Variants in KCNH7 observed in about 807,000 individuals in gnomAD.
KCNH7 encodes potassium voltage-gated channel subfamily H member 7, also known as voltage-gated inwardly rectifying potassium channel KCNH7.
Under a neutral mutation model 120.8 loss-of-function variants are expected in KCNH7, and 49 were observed. That is an observed-to-expected ratio of 0.41 (90% confidence interval 0.32 to 0.51). The LOEUF (loss-of-function observed/expected upper bound fraction) is 0.51, where lower values mean the gene tolerates loss of function less well. Among genes scored for constraint, KCNH7 ranks in the 20% least tolerant of loss-of-function variants. The pLI, the probability that KCNH7 is intolerant of heterozygous loss-of-function variation, is 0.38. For synonymous variants in KCNH7, 547 were observed against 516.1 expected (o/e 1.06, Z -0.81); for missense variants, 1,097 against 1,446.6 (o/e 0.76, Z 3.92).
At chr2:162,402,239 TATATC>T (rs1158308931) in intron 9 of KCNH7, among the ~76,000 whole-genome samples, 3 of 150,940 alleles carry the variant, frequency 2.0e-5, no homozygotes, top group Non-Finnish European at 4.4e-5. Context: ...GTTGGAATCT[TATATC>T]AACTCAGCTT....
intron 2 of KCNH7, among the ~76,000 whole-genome samples, chr2:162,761,877 T>G (rs305680): frequency 0.8 from 121,292 of 151,974 alleles, 52,605 homozygotes; most frequent in Non-Finnish European, 0.96. Context: ...TTCCTAGAGT[T>G]TGACTGTTAA....
At chr2:162,601,837 G>A (rs1314634503) in intron 2 of KCNH7, among the ~76,000 whole-genome samples, 1 of 151,912 alleles carries the variant, frequency 6.6e-6, no homozygotes, top group African/African-American at 2.4e-5. Flanking sequence ...AAGGATGAAC[G>A]GTTTGTAGCA....
rs186366877 is a variant in KCNH7, at chr2:162,560,277, G to A, written c.308-23197C>T. Among the ~76,000 whole-genome samples the A allele has an allele frequency of 2.0e-4, 31 of 152,234 alleles. 1 individual carries two copies. The East Asian group carries it at 5.4e-3, about 27-fold the overall frequency. On this transcript the variant is annotated intron_variant, in intron 2 of 15. Transcript: ENST00000332142. The stretch of plus-strand genomic sequence containing the variant: ...TTCTGCCGTTTCAAATTTTTTTCCT[G>A]AATGTAAGGCTCTGGACTTAGAGAT...
chr2:162,791,514 G>A (rs1012213667), intron 2 of KCNH7, among the ~76,000 whole-genome samples: 15 of 151,960 alleles, frequency 9.9e-5, no homozygotes, highest in Non-Finnish European at 2.9e-5. Flanking sequence ...CTACTTATCT[G>A]TATTCCTAGT....
At chr2:162,421,207 T>C (rs1014777101) in intron 9 of KCNH7, among the ~76,000 whole-genome samples, 1 of 152,140 alleles carries the variant, frequency 6.6e-6, no homozygotes. Flanking sequence ...TCCAGGACGA[T>C]GTAATACAGG....
At position 162,514,109 on chromosome 2, in the gene KCNH7, C is replaced by T. The variant is rs148305097; in HGVS notation, c.893-1435G>A. On this transcript the variant is annotated intron_variant, in intron 4 of 15. Coordinates refer to ENST00000332142, the MANE Select transcript of KCNH7 (RefSeq NM_033272.4). ...TTGATATCTATGCTAACACTGTGCC[C>T]ATTTAAAATCTTGGGATATATCATA... is the stretch of plus-strand genomic sequence containing the variant. Among the ~76,000 whole-genome samples, 447 of 151,858 alleles carry T rather than the reference C, an allele frequency of 2.9e-3. 2 individuals carry two copies. Among genetic ancestry groups the T allele is most frequent in the African/African-American group, 0.01 (433 of 41,504 alleles).
intron 7 of KCNH7, among the ~76,000 whole-genome samples, chr2:162,436,339 A>AT (rs1296810550): frequency 3.9e-5 from 6 of 152,208 alleles, no homozygotes; most frequent in Admixed American, 1.3e-4. Flanking sequence ...ATTTAAATGC[A>AT]TTTTTTATTC....
intron 6 of KCNH7, among the ~76,000 whole-genome samples, chr2:162,455,297 G>A (rs945991374): frequency 6.6e-6 from 1 of 152,132 alleles, no homozygotes; most frequent in African/African-American, 2.4e-5. Flanking sequence ...ACTTGATCAT[G>A]GTGGATAAAC....
chr2:162,590,325 T>C (rs1694170277), intron 2 of KCNH7, among the ~76,000 whole-genome samples: 1 of 152,056 alleles, frequency 6.6e-6, no homozygotes. Context: ...CTCCTGAAGC[T>C]TGAGCAAGTG....
chr2:162,758,720 G>A (rs1688871695), intron 2 of KCNH7, among the ~76,000 whole-genome samples: 1 of 151,882 alleles, frequency 6.6e-6, no homozygotes, highest in South Asian at 2.1e-4. Context: ...CTATACCAAA[G>A]GCTTTATAAT....
intron 2 of KCNH7, among the ~76,000 whole-genome samples, chr2:162,747,831 G>A (rs1688366905): frequency 6.6e-6 from 1 of 152,146 alleles, no homozygotes; most frequent in African/African-American, 2.4e-5. Flanking sequence ...TCATGACCCA[G>A]TGTCTCATAA....
intron 2 of KCNH7, among the ~76,000 whole-genome samples, chr2:162,626,056 G>A (rs938630150): frequency 3.3e-5 from 5 of 152,120 alleles, no homozygotes; most frequent in East Asian, 3.9e-4. Context: ...ACTATAGATC[G>A]TGGAGTACTG....
intron 2 of KCNH7, among the ~76,000 whole-genome samples, chr2:162,688,511 C>T (rs1574268098): frequency 6.6e-6 from 1 of 152,098 alleles, no homozygotes; most frequent in African/African-American, 2.4e-5. Context: ...GTGGCTGGCA[C>T]ATGAAAACAC....
rs542147987 is a variant in KCNH7 at position 162,623,721 on chromosome 2, C to T, written c.308-86641G>A. Among the ~76,000 whole-genome samples, 228 of 152,214 alleles carry T rather than the reference C, an allele frequency of 1.5e-3. 1 individual carries two copies. The highest frequency in any genetic ancestry group is 3.4e-3 in the Middle Eastern group (1 of 294). Reference sequence around the variant, plus strand: ...ATGGGAACAATACTACCTTACGTACCTGTGATGAATATGAAATGAGCTAAC... The same window carrying T: ...ATGGGAACAATACTACCTTACGTACTTGTGATGAATATGAAATGAGCTAAC... On this transcript the variant is annotated intron_variant, in intron 2 of 15. Transcript: ENST00000332142.
chr2:162,422,037 G>A (rs1687722594), intron 9 of KCNH7, among the ~76,000 whole-genome samples: 2 of 152,224 alleles, frequency 1.3e-5, no homozygotes, highest in Non-Finnish European at 2.9e-5. Flanking sequence ...TGAGATTAAA[G>A]TGTTCTTTTG....
rs777991496 is a variant in KCNH7, at chr2:162,629,768, TAGATC to T, written c.308-92693_308-92689del. On this transcript the variant is annotated intron_variant, in intron 2 of 15. Transcript: ENST00000332142. The stretch of plus-strand genomic sequence containing the variant: ...ACACTCCAGAAATGAGCAAATGCTA[TAGATC>T]AGGGGTTTTCTCTTCTGTGAGCTGA... 2.6e-5 allele frequency among the ~76,000 whole-genome samples: 4 copies of T among 152,100 alleles called. No individual in the cohort carries two copies. The East Asian group carries it at 7.7e-4, about 29-fold the overall frequency.
intron 2 of KCNH7, among the ~76,000 whole-genome samples, chr2:162,835,387 T>C (rs750698167): frequency 2.0e-5 from 3 of 152,020 alleles, no homozygotes; most frequent in African/African-American, 4.8e-5. Flanking sequence ...CTCTCTAGTA[T>C]ACCAAATGAT....
chr2:162,609,460 T>C (rs2105968486), intron 2 of KCNH7, among the ~76,000 whole-genome samples: 1 of 152,216 alleles, frequency 6.6e-6, no homozygotes. Flanking sequence ...AGGGACTGTA[T>C]TGGATTTTTC....
chr2:162,814,765 T>C (rs752980961), intron 2 of KCNH7, among the ~76,000 whole-genome samples: 4 of 152,222 alleles, frequency 2.6e-5, no homozygotes, highest in Non-Finnish European at 2.9e-5. Context: ...CTTGAACTTA[T>C]GCTTGTCAGA....
Sources: gnomAD v4.1 joint callset for allele counts (sites outside exome capture counted in the v4.1 genomes callset) on GRCh38, gnomAD v4.1.1 for gene constraint, MANE v1.5 for transcripts, NCBI Gene and HGNC (gene_info 2026-07-23, HGNC 2026-07-21) for gene names.